RAB6A: variants seen among roughly 807,000 people sequenced by gnomAD.
RAB6A encodes the protein ras-related protein Rab-6A.
RAB6A carries 8 observed loss-of-function variants against 32.3 expected under a neutral mutation model. The observed-to-expected ratio is 0.25, with a 90% CI of 0.15 to 0.45. The LOEUF is 0.45. RAB6A is among the 20% of genes least tolerant of loss of function. The pLI is 1.00. For synonymous variants in RAB6A, 73 were observed against 82.1 expected (o/e 0.89, Z 0.60); for missense variants, 104 against 249.4 (o/e 0.42, Z 3.93).
intron 1 of RAB6A, among the ~76,000 whole-genome samples, chr11:73,744,858 C>A (rs1946561902): frequency 6.6e-6 from 1 of 151,794 alleles, no homozygotes. Context: ...ACCTGTAGTC[C>A]CAGCTACTCA....
At chr11:73,682,571 GA>G (rs1393821364) in intron 6 of RAB6A, among the ~76,000 whole-genome samples, 1 of 152,168 alleles carries the variant, frequency 6.6e-6, no homozygotes, top group Non-Finnish European at 1.5e-5. Flanking sequence ...GCTGAGGCAG[GA>G]GAACTGCTTG....
chr11:73,686,743 T>C (rs1945463071), intron 6 of RAB6A, among the ~76,000 whole-genome samples: 1 of 152,174 alleles, frequency 6.6e-6, no homozygotes, highest in South Asian at 2.1e-4. Flanking sequence ...GAAAAGTACA[T>C]AACTAACAAA....
chr11:73,681,669 C>A (rs958913823), intron 6 of RAB6A, among the ~76,000 whole-genome samples: 1 of 152,190 alleles, frequency 6.6e-6, no homozygotes, highest in South Asian at 2.1e-4. Flanking sequence ...ATTAGCCAGG[C>A]GTGGTAGCGC....
At chr11:73,732,997 G>A (rs768090789) in intron 1 of RAB6A, among the ~76,000 whole-genome samples, 46 of 152,094 alleles carry the variant, frequency 3.0e-4, no homozygotes, top group Non-Finnish European at 2.6e-4. Context: ...ACTTTTAGTA[G>A]AGACAGGGTT....
intron 3 of RAB6A, among the ~76,000 whole-genome samples, 158 bp downstream of exon 3, chr11:73,720,688 G>A (rs140640747): frequency 2.8e-4 from 43 of 152,216 alleles, no homozygotes; most frequent in Non-Finnish European, 5.7e-4. Flanking sequence ...TGACTGCCAA[G>A]TACTACTCAC....
At chr11:73,732,616 G>A (rs985728767) in intron 1 of RAB6A, among the ~76,000 whole-genome samples, 3 of 151,860 alleles carry the variant, frequency 2.0e-5, no homozygotes, top group Non-Finnish European at 2.9e-5. Flanking sequence ...TAAATCAGCC[G>A]GGCGTGGGGG....
chr11:73,690,120 A>C (rs886572650), intron 6 of RAB6A, among the ~76,000 whole-genome samples: 2 of 152,202 alleles, frequency 1.3e-5, no homozygotes, highest in Non-Finnish European at 2.9e-5. Context: ...ACAAGCCCAG[A>C]AAGAAACTCT....
At chr11:73,714,209 A>AAAAAAAAATATAT (rs35864471) in intron 5 of RAB6A, among the ~76,000 whole-genome samples, 1 of 57,578 alleles carries the variant, frequency 1.7e-5, no homozygotes, top group Non-Finnish European at 3.4e-5. Context: ...AAAAAAAAAA[A>AAAAAAAAATATAT]ATATATATAT....
At chr11:73,710,495 T>A (rs1945939141) in intron 5 of RAB6A, among the ~76,000 whole-genome samples, 1 of 151,468 alleles carries the variant, frequency 6.6e-6, no homozygotes, top group African/African-American at 2.4e-5. Context: ...CCCAGCACTT[T>A]GGGAGGCCAA....
chr11:73,715,834 C>T (rs1369104191), intron 5 of RAB6A, among the ~76,000 whole-genome samples: 1 of 152,140 alleles, frequency 6.6e-6, no homozygotes, highest in Non-Finnish European at 1.5e-5. Flanking sequence ...CAAAAATCCA[C>T]ACCACTGAAT....
At chr11:73,715,667 T>C (rs1946041303) in intron 5 of RAB6A, among the ~76,000 whole-genome samples, 1 of 152,228 alleles carries the variant, frequency 6.6e-6, no homozygotes, top group Non-Finnish European at 1.5e-5. Flanking sequence ...TGAAAGCAAA[T>C]ATTCAAGCCA....
At position 73,718,444 on chromosome 11, in the gene RAB6A, A is replaced by G. The variant is rs114052393; in HGVS notation, c.289+169T>C. On this transcript the variant is annotated intron_variant, in intron 4 of 7. Transcript: ENST00000336083. ...CCTGGCACAGTTACATATAAAGCAT[A>G]TTGGTATAAACACCAAAGCAAATAT... 2.8e-3 allele frequency among the ~76,000 whole-genome samples: 427 copies of G among 152,348 alleles called. 3 individuals carry two copies. The highest frequency in any genetic ancestry group is 8.9e-3 in the African/African-American group (372 of 41,586).
chr11:73,748,071 A>G (rs1317911345), intron 1 of RAB6A, among the ~76,000 whole-genome samples: 1 of 152,222 alleles, frequency 6.6e-6, no homozygotes, highest in Admixed American at 6.5e-5. Flanking sequence ...TTTGCCCACC[A>G]ATTTTAAAAT....
chr11:73,727,818 G>A, intron 2 of RAB6A, among the ~76,000 whole-genome samples: 1 of 152,146 alleles, frequency 6.6e-6, no homozygotes, highest in East Asian at 1.9e-4. Context: ...ATGAGTGACA[G>A]CCTTAATCAG....
At chr11:73,756,822 C>T (rs145455069) in intron 1 of RAB6A, among the ~76,000 whole-genome samples, 12,957 of 151,864 alleles carry the variant, frequency 0.085, 821 homozygotes, top group Admixed American at 0.14. Flanking sequence ...TACAGGCACA[C>T]GCCACCACGC....
chr11:73,687,624 G>A (rs888662359), intron 6 of RAB6A, among the ~76,000 whole-genome samples: 3 of 152,232 alleles, frequency 2.0e-5, no homozygotes, highest in Admixed American at 6.5e-5. Context: ...GGGAGGCCGA[G>A]GTGGGCGGAT....
At chr11:73,678,712 ATGT>A (rs1489813887) in intron 7 of RAB6A, among the ~76,000 whole-genome samples, 4 of 142,376 alleles carry the variant, frequency 2.8e-5, no homozygotes, top group African/African-American at 1.1e-4. Flanking sequence ...ATTATGTTTT[ATGT>A]TGTTGTTGTG....
At chr11:73,697,090 T>C (rs1425152697) in intron 6 of RAB6A, among the ~76,000 whole-genome samples, 1 of 152,126 alleles carries the variant, frequency 6.6e-6, no homozygotes, top group African/African-American at 2.4e-5. Context: ...AGTGTAACCT[T>C]ACTAATTTCC....
At chr11:73,700,410 C>T (rs1945721383) in intron 6 of RAB6A, among the ~76,000 whole-genome samples, 1 of 151,950 alleles carries the variant, frequency 6.6e-6, no homozygotes, top group Non-Finnish European at 1.5e-5. Flanking sequence ...TAGCAAGACC[C>T]ATCTCTAGGA....
Sources: gnomAD v4.1 joint callset for allele counts (sites outside exome capture counted in the v4.1 genomes callset) on GRCh38, gnomAD v4.1.1 for gene constraint, MANE v1.5 for transcripts, NCBI Gene and HGNC (gene_info 2026-07-23, HGNC 2026-07-21) for gene names.